Variants in PML observed in about 807,000 individuals in gnomAD.
PML encodes the protein protein PML.
PML carries 28 observed loss-of-function variants against 65.2 expected under a neutral mutation model. The ratio of observed to expected loss-of-function variants is 0.43; its 90% confidence interval spans 0.32 to 0.59. The LOEUF (loss-of-function observed/expected upper bound fraction) is 0.59. Among genes scored for constraint, PML ranks in the 20% least tolerant of loss-of-function variants. The pLI is 0.08. For synonymous variants in PML, 500 were observed against 508.8 expected (o/e 0.98, Z 0.23); for missense variants, 1,021 against 1,203.4 (o/e 0.85, Z 2.24).
rs1482060483 is a variant in PML, at chr15:74,044,886, C to T, written c.2527C>T (p.Leu843=). 14 of 1,613,448 alleles carry T rather than the reference C, an allele frequency of 8.7e-6. No homozygotes were observed. The highest frequency in any genetic ancestry group is 2.7e-5 in the African/African-American group (2 of 74,946). The change falls in exon 9 of 9, where the codon CTG becomes TTG. Residue 843 remains leucine (L), a synonymous_variant. Coordinates refer to ENST00000268058, the MANE Select transcript of PML (RefSeq NM_033238.3). ...GCCCCCTGCCCAGCCTGCTTTCAAC[C>T]TGCAGGCTCTGGGCACCTACTTTGA... ...TLPPAQPAFN[L]QALGTYFEGL... is the part of the protein sequence containing the mutation.
rs1275457313 is a variant in PML, at chr15:74,043,062, T to C, written c.1784T>C (p.Val595Ala). The change falls in exon 8 of 9, where the codon GTC becomes GCC. Residue 595 changes from valine to alanine, a missense_variant. Transcript: ENST00000268058. This position sits in a 1 kb window ranked among gnomAD's most constrained non-coding sequence, Gnocchi z 4.3. ...CTGGAAGGCCCCAGCACCCTCAGGG[T>C]CCTGGACGAGAACCTTGCTGACCCC... ...LQLEGPSTLR[V>A]LDENLADPQA... is the part of the protein sequence containing the mutation. The C allele has an allele frequency of 6.2e-7, 1 of 1,613,020 alleles. No homozygotes were observed. Among genetic ancestry groups the C allele is most frequent in the Non-Finnish European group, 8.5e-7 (1 of 1,179,804 alleles).
rs746784735 is a variant in PML at position 74,032,663 on chromosome 15, C to T, written c.1346C>T (p.Ala449Val). ...GCTGTGGTACAGTCAGTGCCCGGGG[C>T]ACACCCCGTGCCAGTGTACGCCTTC... ...PMAVVQSVPG[A>V]HPVPVYAFSI... is the part of the protein sequence containing the mutation. Residue 449 changes from alanine to valine, a missense_variant, in exon 5 of 9, where the codon GCA becomes GTA. By Grantham distance (64) the Ala-to-Val change is moderately conservative (BLOSUM62 0). Transcript: ENST00000268058. The T allele has an allele frequency of 8.7e-6, 14 of 1,614,032 alleles. No homozygotes were observed. In the Admixed American group the frequency reaches 2.3e-4, roughly 27 times the overall value.
intron 2 of PML, among the ~76,000 whole-genome samples, chr15:74,015,798 G>A (rs2070546199): frequency 6.6e-6 from 1 of 152,180 alleles, no homozygotes; most frequent in South Asian, 2.1e-4. Flanking sequence ...TATAAGGGAA[G>A]CATTATTACT....
At chr15:74,012,648 A>G (rs764796175) in intron 2 of PML, among the ~76,000 whole-genome samples, 1 of 152,200 alleles carries the variant, frequency 6.6e-6, no homozygotes, top group South Asian at 2.1e-4. Context: ...TCTATTTTAC[A>G]TGGTAGTAAC....
At chr15:74,004,102 T>C (rs1267479465) in intron 2 of PML, among the ~76,000 whole-genome samples, 6 of 152,144 alleles carry the variant, frequency 3.9e-5, no homozygotes, top group African/African-American at 1.4e-4. Flanking sequence ...AGGATCTTTA[T>C]TTATTTTTAT....
At chr15:74,033,789 C>G in intron 6 of PML, 1 of 575,072 alleles carries the variant, frequency 1.7e-6, no homozygotes, top group South Asian at 2.3e-5. Flanking sequence ...ATGACCTTAA[C>G]TCTGCTCTCT....
chr15:74,035,570 C>T lies in PML; in HGVS notation c.1710+1040C>T. On this transcript the variant is annotated intron_variant, in intron 7 of 8. Transcript: ENST00000268058. The surrounding 1 kb of genome is among the most constrained non-coding windows in gnomAD (Gnocchi z 4.1). ...CTCCTGCCATCACAGGGCCCCTCAACCATCCTGCCAATGCCCAGGAACATC... is the reference window on the plus strand; with the variant it reads ...CTCCTGCCATCACAGGGCCCCTCAATCATCCTGCCAATGCCCAGGAACATC... The T allele has an allele frequency of 6.2e-7, 1 of 1,611,492 alleles. No homozygotes were observed. The highest frequency in any genetic ancestry group is 8.5e-7 in the Non-Finnish European group (1 of 1,179,718).
chr15:74,010,728 A>T (rs550881776), intron 2 of PML, among the ~76,000 whole-genome samples: 1 of 152,158 alleles, frequency 6.6e-6, no homozygotes, highest in Admixed American at 6.5e-5. Flanking sequence ...GGAGAGTTTC[A>T]GCCTATGGAT....
chr15:74,007,713 G>A (rs1412540867), intron 2 of PML, among the ~76,000 whole-genome samples: 1 of 152,076 alleles, frequency 6.6e-6, no homozygotes, highest in African/African-American at 2.4e-5. Flanking sequence ...GGGGCCATTG[G>A]TATTTGCTCC....
At chr15:74,031,389 T>C (rs976116323) in intron 4 of PML, 3 of 315,218 alleles carry the variant, frequency 9.5e-6, no homozygotes, top group African/African-American at 2.2e-5. Context: ...TTCTCATGCC[T>C]CAGCCTCCCA....
chr15:74,005,320 G>C (rs932581502), intron 2 of PML, among the ~76,000 whole-genome samples: 1 of 152,062 alleles, frequency 6.6e-6, no homozygotes. Context: ...CAAAGTGCTG[G>C]GATTACAGGT....
rs779759818 is a variant in PML at position 74,036,063 on chromosome 15, C to G, written c.1710+1533C>G. 5 of 1,614,038 alleles carry G rather than the reference C, an allele frequency of 3.1e-6. No homozygotes were observed. In the East Asian group the frequency reaches 1.1e-4, roughly 36 times the overall value. ...CTGCACAGAGTAGCACTCATTAATT[C>G]TTGGTTAAGGAATGAATCAACGAAT... is the stretch of plus-strand genomic sequence containing the variant. On this transcript the variant is annotated intron_variant, in intron 7 of 8. Transcript: ENST00000268058.
In PML at chr15:74,038,050, A is replaced by AC. The variant is rs144644369; in HGVS notation, c.1710+3526dup. Among the ~76,000 whole-genome samples the AC allele has an allele frequency of 3.6e-3, 540 of 151,710 alleles. 2 individuals are homozygous for AC. Among genetic ancestry groups the AC allele is most frequent in the African/African-American group, 0.012 (515 of 41,330 alleles). On this transcript the variant is annotated intron_variant, in intron 7 of 8. Coordinates refer to ENST00000268058, the MANE Select transcript of PML (RefSeq NM_033238.3). ...CCAAGACCCCATAGCCACCCAGGGCACCCCCCTTTTGATTATTCCTCACAT... is the reference window on the plus strand; with the variant it reads ...CCAAGACCCCATAGCCACCCAGGGCACCCCCCCTTTTGATTATTCCTCACAT...
At chr15:74,033,445 T>G (rs1595914843) in intron 6 of PML, 31 bp downstream of exon 6, 1 of 1,610,272 alleles carries the variant, frequency 6.2e-7, no homozygotes, top group Non-Finnish European at 8.5e-7. Context: ...GTGGCCTGGG[T>G]GCTGCCCGCC....
At chr15:74,001,185 T>G (rs765839668) in intron 2 of PML, among the ~76,000 whole-genome samples, 2 of 152,190 alleles carry the variant, frequency 1.3e-5, no homozygotes, top group Non-Finnish European at 2.9e-5. Flanking sequence ...TACTGTACTT[T>G]TAGTCTTTCC....
Position 73,998,461 on chromosome 15 carries a change from C to T in PML, c.587C>T (p.Thr196Ile). Residue 196 changes from threonine (T) to isoleucine (I), a missense_variant, in exon 2 of 9, where the codon ACC becomes ATC. Physicochemically the swap from Thr to Ile is moderately conservative, Grantham distance 89. Coordinates refer to ENST00000268058, the MANE Select transcript of PML (RefSeq NM_033238.3). ...NIFCSNPNHR[T>I]PTLTSIYCRG... Reference sequence around the variant, plus strand: ...TTCTGCTCCAACCCCAACCACCGCACCCCTACGCTGACCAGGTGAGTAGGC... The same window carrying T: ...TTCTGCTCCAACCCCAACCACCGCATCCCTACGCTGACCAGGTGAGTAGGC... The T allele has an allele frequency of 1.2e-6, 2 of 1,613,906 alleles. No individual in the cohort carries two copies. The highest frequency in any genetic ancestry group is 2.2e-5 in the East Asian group (1 of 44,884).
chr15:74,043,006 T>C lies in PML; in HGVS notation c.1728T>C (p.Asp576=). 1 of 1,613,634 alleles carries C rather than the reference T, an allele frequency of 6.2e-7. No homozygotes were observed. The highest frequency in any genetic ancestry group is 8.5e-7 in the Non-Finnish European group (1 of 1,179,928). The part of the protein sequence containing the change: ...DAENSSSREL[D]DSSSESSDLQ... Reference sequence around the variant, plus strand: ...TGTTGCAGTCCTCCCGAGAGCTGGATGACAGCAGCAGTGAGTCCAGTGACC... The same window carrying C: ...TGTTGCAGTCCTCCCGAGAGCTGGACGACAGCAGCAGTGAGTCCAGTGACC... Residue 576 remains aspartate (D), a synonymous_variant, in exon 8 of 9, where the codon GAT becomes GAC. Transcript: ENST00000268058. This position sits in a 1 kb window ranked among gnomAD's most constrained non-coding sequence, Gnocchi z 4.3.
intron 2 of PML, among the ~76,000 whole-genome samples, chr15:74,021,687 G>A (rs1241351616): frequency 6.6e-6 from 1 of 151,898 alleles, no homozygotes; most frequent in East Asian, 1.9e-4. Context: ...TCCATGATTA[G>A]GCTATATAAC....
At chr15:74,031,298 A>G (rs1162894006) in intron 4 of PML, 7 of 441,388 alleles carry the variant, frequency 1.6e-5, no homozygotes, top group Non-Finnish European at 2.7e-5. Context: ...TGTTTGAGAC[A>G]GAGTCTCACT....
Sources: gnomAD v4.1 joint callset for allele counts (sites outside exome capture counted in the v4.1 genomes callset) on GRCh38, gnomAD v4.1.1 for gene constraint, Gnocchi (gnomAD v3.1) non-coding constraint, MANE v1.5 for transcripts, NCBI Gene and HGNC (gene_info 2026-07-23, HGNC 2026-07-21) for gene names.